The following FCHO2 variants were observed in gnomAD, a reference collection of about 807,000 sequenced individuals.
FCHO2 encodes the protein F-BAR domain only protein 2.
In FCHO2, 43 loss-of-function variants were observed where a neutral mutation model predicts 114.1. The ratio of observed to expected loss-of-function variants is 0.38; its 90% CI spans 0.30 to 0.49. The LOEUF is 0.49. Ranked by LOEUF, FCHO2 falls within the 20% of genes least tolerant of loss-of-function variation. FCHO2 has a pLI of 0.97. For synonymous variants in FCHO2, 293 were observed against 315.2 expected, an observed-to-expected ratio of 0.93 and a Z score of 0.75; for missense variants, 807 against 950.4, an observed-to-expected ratio of 0.85 and a Z score of 1.98.
chr5:72,981,421 C>T (rs1726820815), intron 2 of FCHO2, among the ~76,000 whole-genome samples: 1 of 152,128 alleles, frequency 6.6e-6, no homozygotes, highest in Non-Finnish European at 1.5e-5. Flanking sequence ...AATTACGTGT[C>T]TTGGGGTTGC....
intron 18 of FCHO2, among the ~76,000 whole-genome samples, chr5:73,065,698 T>C (rs926356116): frequency 3.3e-5 from 5 of 152,194 alleles, no homozygotes; most frequent in Admixed American, 6.6e-5. Flanking sequence ...TAATTTGTTT[T>C]CTACTTGCAA....
chr5:73,081,444 G>A (rs1000495941), intron 22 of FCHO2, among the ~76,000 whole-genome samples: 6 of 152,176 alleles, frequency 3.9e-5, no homozygotes, highest in African/African-American at 1.4e-4. Flanking sequence ...AATGTTGGAA[G>A]ATTCGCAAAC....
At chr5:73,024,627 C>T (rs1032070233) in intron 8 of FCHO2, among the ~76,000 whole-genome samples, 31 of 151,614 alleles carry the variant, frequency 2.0e-4, no homozygotes, top group African/African-American at 5.8e-4. Flanking sequence ...TTAGTAGAGA[C>T]GGGGTTTCAC....
intron 6 of FCHO2, among the ~76,000 whole-genome samples, chr5:73,007,645 C>A (rs1457283566): frequency 1.3e-5 from 2 of 152,134 alleles, no homozygotes; most frequent in Non-Finnish European, 2.9e-5. Context: ...ATGTGCATAT[C>A]CATCTTTACC....
chr5:73,012,072 A>C (rs983636416), intron 6 of FCHO2, among the ~76,000 whole-genome samples: 2 of 152,208 alleles, frequency 1.3e-5, no homozygotes, highest in South Asian at 2.1e-4. Context: ...TACCAGTAAC[A>C]TCATTTATTA....
intron 2 of FCHO2, among the ~76,000 whole-genome samples, chr5:72,972,963 G>A (rs1227896713): frequency 6.6e-6 from 1 of 152,226 alleles, no homozygotes; most frequent in Non-Finnish European, 1.5e-5. Flanking sequence ...AGATAATCAT[G>A]TGGTTTTTGT....
chr5:73,070,786 T>C (rs1742606050), intron 19 of FCHO2, among the ~76,000 whole-genome samples: 1 of 152,084 alleles, frequency 6.6e-6, no homozygotes, highest in Admixed American at 6.6e-5. Flanking sequence ...AAAAGTTCTC[T>C]TTCTTTGCCA....
At chr5:73,004,922 A>G (rs1056265245) in intron 5 of FCHO2, among the ~76,000 whole-genome samples, 1 of 152,240 alleles carries the variant, frequency 6.6e-6, no homozygotes, top group Non-Finnish European at 1.5e-5. Context: ...AAAACATAGT[A>G]TATAATACAG....
At chr5:73,045,592 T>G (rs980388377) in intron 11 of FCHO2, among the ~76,000 whole-genome samples, 4 of 152,254 alleles carry the variant, frequency 2.6e-5, no homozygotes, top group African/African-American at 9.6e-5. Flanking sequence ...GTGGACATAA[T>G]GTTCCTCTCT....
chr5:73,026,996 AT>A (rs1211224430), intron 8 of FCHO2, among the ~76,000 whole-genome samples: 4 of 132,732 alleles, frequency 3.0e-5, no homozygotes, highest in Non-Finnish European at 6.4e-5. Flanking sequence ...CTGGCCTGTC[AT>A]TGTTTTTTTT....
chr5:73,009,497 G>A lies in FCHO2; in HGVS notation c.600+2948G>A, dbSNP rs149764106. Among the ~76,000 whole-genome samples the A allele has an allele frequency of 1.4e-3, 213 of 152,008 alleles. 1 individual carries two copies. The highest frequency in any genetic ancestry group is 4.5e-3 in the African/African-American group (188 of 41,462). On this transcript the variant is annotated intron_variant, in intron 6 of 25. Transcript: ENST00000430046. Reference sequence around the variant, plus strand: ...CCTCATTACATTTTTTTCCAAAATGGCATTTTAATTGTTCATCCTGCCTTT... The same window carrying A: ...CCTCATTACATTTTTTTCCAAAATGACATTTTAATTGTTCATCCTGCCTTT...
chr5:73,051,465 T>G (rs1484640938), intron 12 of FCHO2, 59 bp downstream of exon 12: 2 of 1,139,468 alleles, frequency 1.8e-6, no homozygotes, highest in Non-Finnish European at 2.5e-6. Context: ...TAGGCAGTTA[T>G]AAGAAAATCA....
chr5:73,024,058 TTTC>T lies in FCHO2; in HGVS notation c.796+6753_796+6755del, dbSNP rs758349962. Among the ~76,000 whole-genome samples, 67 of 152,256 alleles carry T rather than the reference TTTC, an allele frequency of 4.4e-4. 1 individual carries two copies. In the East Asian group the frequency reaches 9.5e-3, roughly 21 times the overall value. On this transcript the variant is annotated intron_variant, in intron 8 of 25. Coordinates refer to ENST00000430046, the MANE Select transcript of FCHO2 (RefSeq NM_138782.3). Reference sequence around the variant, plus strand: ...CATTTAGATCATGTTTCTTTTTTCTTTTCTTTTCCTTTTTTTTTTGAGACATGG... The same window carrying T: ...CATTTAGATCATGTTTCTTTTTTCTTTTTTCCTTTTTTTTTTGAGACATGG...
At chr5:73,085,225 T>G (rs976096144) in intron 24 of FCHO2, among the ~76,000 whole-genome samples, 48 of 152,194 alleles carry the variant, frequency 3.2e-4, no homozygotes, top group Non-Finnish European at 5.6e-4. Flanking sequence ...GGCACGTGCC[T>G]GTAGTGTCAG....
rs1435372712 is a variant in FCHO2 at position 72,991,001 on chromosome 5, C to T, written c.495+137C>T. 3.3e-6 allele frequency: 3 copies of T among 908,554 alleles called. No individual in the cohort carries two copies. The East Asian group carries it at 8.2e-5, about 25-fold the overall frequency. 56.3% of individuals were successfully genotyped at this position (908,554 alleles called of 1,614,324 possible). On this transcript the variant is annotated intron_variant, in intron 5 of 25. Transcript: ENST00000430046. ...TGTGCCTTACAGTCCTAGTGATTAC[C>T]CAAGTAAAACACAGGAGATTTGTAA... is the stretch of plus-strand genomic sequence containing the variant.
At chr5:72,993,475 G>A (rs1029271569) in intron 5 of FCHO2, among the ~76,000 whole-genome samples, 1 of 152,114 alleles carries the variant, frequency 6.6e-6, no homozygotes, top group African/African-American at 2.4e-5. Context: ...CAGAATTGAA[G>A]AAATTCAAGA....
intron 5 of FCHO2, chr5:72,997,028 C>T: frequency 1.4e-6 from 2 of 1,453,276 alleles, no homozygotes; most frequent in Non-Finnish European, 1.9e-6. Flanking sequence ...GGTAATTCAG[C>T]ACCAAACTGT....
At chr5:73,001,457 A>G (rs1027340038) in intron 5 of FCHO2, among the ~76,000 whole-genome samples, 13 of 151,196 alleles carry the variant, frequency 8.6e-5, no homozygotes, top group Non-Finnish European at 1.8e-4. Context: ...TCAAAAAAAA[A>G]AAAAAAAAAA....
At chr5:73,084,141 G>T (rs894635049) in intron 24 of FCHO2, among the ~76,000 whole-genome samples, 2 of 152,152 alleles carry the variant, frequency 1.3e-5, no homozygotes, top group African/African-American at 4.8e-5. Flanking sequence ...TCTTGGGACA[G>T]CCAAGTCTTT....
Sources: gnomAD v4.1 joint callset for allele counts (sites outside exome capture counted in the v4.1 genomes callset) on GRCh38, gnomAD v4.1.1 for gene constraint, MANE v1.5 for transcripts, NCBI Gene and HGNC (gene_info 2026-07-23, HGNC 2026-07-21) for gene names.